Variants in FBXL17 observed in about 807,000 individuals in gnomAD.
FBXL17 encodes F-box/LRR-repeat protein 17.
A neutral mutation model predicts 66.2 loss-of-function variants in FBXL17; 22 were observed. The observed-to-expected ratio is 0.33, with a 90% CI of 0.24 to 0.47. FBXL17 has a LOEUF of 0.47. Ranked by LOEUF, FBXL17 falls within the 20% of genes least tolerant of loss-of-function variation. The pLI is 1.00. For synonymous variants in FBXL17, 474 were observed against 400.5 expected, an observed-to-expected ratio of 1.18 and a Z score of -2.19; for missense variants, 878 against 948.2, an observed-to-expected ratio of 0.93 and a Z score of 0.97.
At chr5:108,093,668 T>G (rs1749268550) in intron 6 of FBXL17, among the ~76,000 whole-genome samples, 1 of 152,228 alleles carries the variant, frequency 6.6e-6, no homozygotes, top group African/African-American at 2.4e-5. Context: ...TAACATCTTC[T>G]GATTTAGTCA....
In FBXL17 at chr5:108,175,592, T is replaced by C. The variant is rs190781789; in HGVS notation, c.1745+10525A>G. Reference sequence around the variant, plus strand: ...GTTGAAGAATGATATACATAAAACCTTTCCATTTTCATGAAGCGTAAAGGT... The same window carrying C: ...GTTGAAGAATGATATACATAAAACCCTTCCATTTTCATGAAGCGTAAAGGT... On this transcript the variant is annotated intron_variant, in intron 6 of 8. Transcript: ENST00000542267. 2.3e-3 allele frequency among the ~76,000 whole-genome samples: 343 copies of C among 152,334 alleles called. 1 individual carries two copies. Among genetic ancestry groups the C allele is most frequent in the Middle Eastern group, 6.8e-3 (2 of 294 alleles).
chr5:108,053,768 C>A (rs1217838530), intron 6 of FBXL17, among the ~76,000 whole-genome samples: 2 of 152,084 alleles, frequency 1.3e-5, no homozygotes, highest in African/African-American at 4.8e-5. Flanking sequence ...TGGGTATATA[C>A]CCAAAGGAAT....
intron 4 of FBXL17, among the ~76,000 whole-genome samples, chr5:108,317,830 A>T (rs547592066): frequency 6.6e-6 from 1 of 151,494 alleles, no homozygotes. Context: ...TATTAATGTA[A>T]ATGCAAAAGG....
chr5:107,890,108 CT>C (rs1561519477), intron 7 of FBXL17, among the ~76,000 whole-genome samples: 1 of 152,092 alleles, frequency 6.6e-6, no homozygotes, highest in Non-Finnish European at 1.5e-5. Context: ...TTCAATGATT[CT>C]TTTTTATTCC....
chr5:107,908,221 T>C (rs1307744731), intron 7 of FBXL17, among the ~76,000 whole-genome samples: 3 of 152,170 alleles, frequency 2.0e-5, no homozygotes, highest in Admixed American at 6.6e-5. Flanking sequence ...ATAACCAACA[T>C]GATTCTACCT....
intron 5 of FBXL17, among the ~76,000 whole-genome samples, chr5:108,195,980 G>A (rs1420136333): frequency 6.6e-6 from 1 of 152,216 alleles, no homozygotes; most frequent in East Asian, 1.9e-4. Context: ...TAACCAAGTA[G>A]AGATGTCAAA....
intron 7 of FBXL17, among the ~76,000 whole-genome samples, chr5:107,933,647 C>A (rs1379288198): frequency 1.3e-5 from 2 of 152,082 alleles, no homozygotes; most frequent in African/African-American, 2.4e-5. Flanking sequence ...GCATACAATT[C>A]TATTTCCTTT....
intron 1 of FBXL17, among the ~76,000 whole-genome samples, chr5:108,378,745 G>A (rs1037594648): frequency 3.3e-5 from 5 of 152,198 alleles, no homozygotes; most frequent in Admixed American, 1.3e-4. Flanking sequence ...ACATTCGTTC[G>A]TAAGTATTTA....
chr5:108,126,635 C>CTCTG (rs1463914324), intron 6 of FBXL17, among the ~76,000 whole-genome samples: 5 of 64,806 alleles, frequency 7.7e-5, no homozygotes, highest in South Asian at 7.4e-4. Flanking sequence ...CTCTCTGTCT[C>CTCTG]TCTCTCTCTC....
At chr5:107,921,440 A>C (rs1426807990) in intron 7 of FBXL17, among the ~76,000 whole-genome samples, 1 of 152,234 alleles carries the variant, frequency 6.6e-6, no homozygotes, top group African/African-American at 2.4e-5. Context: ...GAGCCGCTTT[A>C]GTAGATTTTC....
At chr5:108,112,693 T>C (rs771204294) in intron 6 of FBXL17, among the ~76,000 whole-genome samples, 6 of 152,116 alleles carry the variant, frequency 3.9e-5, no homozygotes, top group Admixed American at 6.5e-5. Context: ...TATTAAAATA[T>C]ATTACTGCTC....
intron 6 of FBXL17, among the ~76,000 whole-genome samples, chr5:108,142,978 T>TATAATAATAAGA (rs1554068849): frequency 2.1e-5 from 3 of 145,072 alleles, no homozygotes; most frequent in Non-Finnish European, 4.5e-5. Context: ...GAACATAAAG[T>TATAATAATAAGA]ATAATAATAA....
chr5:107,868,193 T>C (rs1263971501), intron 8 of FBXL17, among the ~76,000 whole-genome samples: 1 of 152,222 alleles, frequency 6.6e-6, no homozygotes, highest in Non-Finnish European at 1.5e-5. Context: ...CTCTTTGCAC[T>C]GTACCACATT....
At chr5:107,998,794 G>A (rs17160836) in intron 7 of FBXL17, among the ~76,000 whole-genome samples, 3,809 of 152,136 alleles carry the variant, frequency 0.025, 153 homozygotes, top group African/African-American at 0.081. Flanking sequence ...CTAAAGTTCT[G>A]TCATTGCAAG....
intron 6 of FBXL17, among the ~76,000 whole-genome samples, chr5:108,161,385 C>T (rs1456969675): frequency 6.6e-6 from 1 of 152,154 alleles, no homozygotes; most frequent in Non-Finnish European, 1.5e-5. Flanking sequence ...ACTCGGGAGG[C>T]TGAGGCAGGA....
intron 7 of FBXL17, among the ~76,000 whole-genome samples, chr5:108,000,480 T>C (rs556420067): frequency 6.6e-6 from 1 of 152,336 alleles, no homozygotes; most frequent in East Asian, 1.9e-4. Flanking sequence ...ATCCAGTCTG[T>C]TCTTTAGATG....
At chr5:108,351,062 C>T (rs148081001) in intron 3 of FBXL17, among the ~76,000 whole-genome samples, 10 of 152,236 alleles carry the variant, frequency 6.6e-5, no homozygotes, top group Non-Finnish European at 1.5e-4. Context: ...CACATATAGA[C>T]ATACTAATGC....
At chr5:108,328,170 C>A (rs1759945281) in intron 4 of FBXL17, among the ~76,000 whole-genome samples, 1 of 151,910 alleles carries the variant, frequency 6.6e-6, no homozygotes. Flanking sequence ...TAGTTACTTC[C>A]CAAAAGAAAA....
At chr5:107,907,381 G>A (rs575936256) in intron 7 of FBXL17, among the ~76,000 whole-genome samples, 2 of 152,072 alleles carry the variant, frequency 1.3e-5, no homozygotes, top group Admixed American at 1.3e-4. Flanking sequence ...ACATACATAC[G>A]GGCTCAGAAC....
Sources: gnomAD v4.1 joint callset for allele counts (sites outside exome capture counted in the v4.1 genomes callset) on GRCh38, gnomAD v4.1.1 for gene constraint, MANE v1.5 for transcripts, NCBI Gene and HGNC (gene_info 2026-07-23, HGNC 2026-07-21) for gene names.